The following PCYT2 variants were observed in gnomAD, a reference collection of about 807,000 sequenced individuals.
The protein encoded by PCYT2 is ethanolamine-phosphate cytidylyltransferase.
Under a neutral mutation model 50.0 loss-of-function variants are expected in PCYT2, and 33 were observed. That is an observed-to-expected ratio of 0.66 (90% confidence interval 0.50 to 0.88). PCYT2 has a LOEUF of 0.88. Among genes scored for constraint, PCYT2 ranks in the 40% least tolerant of loss-of-function variants. The pLI, the probability that PCYT2 is intolerant of heterozygous loss-of-function variation, is 0.00. For synonymous variants in PCYT2, 240 were observed against 203.7 expected, an observed-to-expected ratio of 1.18 and a Z score of -1.52; for missense variants, 430 against 519.7, an observed-to-expected ratio of 0.83 and a Z score of 1.68.
In PCYT2 at chr17:81,902,234, C is replaced by G; in HGVS notation, c.*2599G>C. Reference sequence around the variant, plus strand: ...TATAAGGCGGCCCAGGCGGTGGCTGCTCCGAGCCCGGACGCCGCCGCCCAC... The same window carrying G: ...TATAAGGCGGCCCAGGCGGTGGCTGGTCCGAGCCCGGACGCCGCCGCCCAC... On this transcript the variant is annotated 3_prime_UTR_variant, in exon 13 of 13. Transcript: ENST00000538936. 1 of 1,225,184 alleles carries G rather than the reference C, an allele frequency of 8.2e-7. No individual in the cohort carries two copies. Among genetic ancestry groups the G allele is most frequent in the Non-Finnish European group, 1.0e-6 (1 of 983,862 alleles). 75.9% of individuals were successfully genotyped at this position (1,225,184 alleles called of 1,614,324 possible). A position where few individuals can be genotyped will look rare whatever the true frequency, so the allele number is the denominator to read the frequency against.
chr17:81,907,187 G>C, intron 6 of PCYT2: 1 of 1,524,116 alleles, frequency 6.6e-7, no homozygotes, highest in East Asian at 2.4e-5. Flanking sequence ...GGTACCCTGA[G>C]ACCACTGTCT....
chr17:81,907,355 C>T (rs894877902), intron 6 of PCYT2, 199 bp downstream of exon 6: 21 of 1,296,184 alleles, frequency 1.6e-5, no homozygotes, highest in Non-Finnish European at 2.1e-5. Flanking sequence ...ACCGGCCAGC[C>T]GGTGCCACCA....
At chr17:81,907,374 C>T (rs1454205726) in intron 6 of PCYT2, 180 bp downstream of exon 6, 8 of 1,195,930 alleles carry the variant, frequency 6.7e-6, no homozygotes, top group African/African-American at 4.5e-5. Flanking sequence ...CACCCGCCTG[C>T]CCTCCCTCCC....
Position 81,906,967 on chromosome 17 carries a change from A to G in PCYT2, c.538-69T>C, listed in dbSNP as rs2040307305. ...AGGTGCTGCCCTCACCAGGTCACCAAACCCTCAGCTGTCACCTGCCAGCAA... is the reference window on the plus strand; with the variant it reads ...AGGTGCTGCCCTCACCAGGTCACCAGACCCTCAGCTGTCACCTGCCAGCAA... On this transcript the variant is annotated intron_variant, in intron 6 of 12. Transcript: ENST00000538936. 3 of 1,523,272 alleles carry G rather than the reference A, an allele frequency of 2.0e-6. No individual in the cohort carries two copies. In the African/African-American group the frequency reaches 4.1e-5, roughly 21 times the overall value. The allele number at this position is 1,523,272 out of a possible 1,614,324, so 94.4% of individuals were successfully genotyped here.
At chr17:81,905,925 A>G in intron 9 of PCYT2, 175 bp downstream of exon 9, 1 of 745,512 alleles carries the variant, frequency 1.3e-6, no homozygotes. Context: ...AGACCTGACC[A>G]CCCCTCCTCA....
chr17:81,907,971 C>G (rs1179430957), intron 4 of PCYT2, 114 bp from the exon 5 acceptor site: 1 of 843,828 alleles, frequency 1.2e-6, no homozygotes, highest in African/African-American at 1.7e-5. Context: ...CACGGCTGCC[C>G]CAAAGACTGA....
chr17:81,909,204 C>T, intron 2 of PCYT2, 167 bp from the exon 3 acceptor site: 3 of 1,441,094 alleles, frequency 2.1e-6, no homozygotes, highest in Non-Finnish European at 2.7e-6. Flanking sequence ...GGGTGGCTCT[C>T]TTCCCTGCGA....
chr17:81,902,246 A>G lies in PCYT2; in HGVS notation c.*2587T>C. ...CAGGCGGTGGCTGCTCCGAGCCCGGACGCCGCCGCCCACCAGTCAGCCGGC... is the reference window on the plus strand; with the variant it reads ...CAGGCGGTGGCTGCTCCGAGCCCGGGCGCCGCCGCCCACCAGTCAGCCGGC... On this transcript the variant is annotated 3_prime_UTR_variant, in exon 13 of 13. Transcript: ENST00000538936. 1 of 1,229,160 alleles carries G rather than the reference A, an allele frequency of 8.1e-7. No homozygotes were observed. The highest frequency in any genetic ancestry group is 1.0e-6 in the Non-Finnish European group (1 of 986,436). 76.1% of individuals were successfully genotyped at this position (1,229,160 alleles called of 1,614,324 possible).
At chr17:81,905,017 G>A (rs1004708472) in intron 12 of PCYT2, 49 bp downstream of exon 12, 68 of 1,588,952 alleles carry the variant, frequency 4.3e-5, no homozygotes, top group Non-Finnish European at 5.3e-5. Context: ...GGTAAGTCTA[G>A]CGGAGAGCGC....
intron 6 of PCYT2, 78 bp from the exon 7 acceptor site, chr17:81,906,976 C>G: frequency 6.8e-7 from 1 of 1,471,572 alleles, no homozygotes; most frequent in Non-Finnish European, 9.3e-7. Context: ...AAACCCTCAG[C>G]TGTCACCTGC....
At position 81,902,282 on chromosome 17, in the gene PCYT2, C is replaced by T. The variant is rs966014494; in HGVS notation, c.*2551G>A. 2 of 1,308,140 alleles carry T rather than the reference C, an allele frequency of 1.5e-6. No individual in the cohort carries two copies. Among genetic ancestry groups the T allele is most frequent in the Admixed American group, 4.1e-5 (1 of 24,400 alleles). The allele number at this position is 1,308,140 out of a possible 1,614,324, so 81.0% of individuals were successfully genotyped here. A position where few individuals can be genotyped will look rare whatever the true frequency, so the allele number is the denominator to read the frequency against. ...CACCAGTCAGCCGGCGTCCCCATGG[C>T]CCGGTCCGCGACACTGGCGGCCGCC... On this transcript the variant is annotated 3_prime_UTR_variant, in exon 13 of 13. Transcript: ENST00000538936.
intron 1 of PCYT2, 73 bp downstream of exon 1, chr17:81,911,194 C>T: frequency 2.0e-6 from 2 of 1,018,770 alleles, no homozygotes; most frequent in Non-Finnish European, 2.3e-6. Context: ...GGTCCCCGGG[C>T]AACGGCTGGC....
rs532648283 is a variant in PCYT2 at position 81,911,258 on chromosome 17, C to T, written c.89+9G>A. On this transcript the variant is annotated intron_variant, in intron 1 of 12. Coordinates refer to ENST00000538936, the MANE Select transcript of PCYT2 (RefSeq NM_002861.5). The stretch of plus-strand genomic sequence containing the variant: ...GCGCCCCCGCGGCCCGCCCCGGCCC[C>T]GCGCTCACCAGCCATCGCACCACAC... 3.0e-4 allele frequency: 319 copies of T among 1,052,138 alleles called. 1 individual carries two copies. The African/African-American group carries it at 3.8e-3, about 12-fold the overall frequency. The allele number at this position is 1,052,138 out of a possible 1,614,324, so 65.2% of individuals were successfully genotyped here. A position where few individuals can be genotyped will look rare whatever the true frequency, so the allele number is the denominator to read the frequency against.
Position 81,904,889 on chromosome 17 carries a change from C to T in PCYT2, c.1114G>A (p.Glu372Lys). 6.2e-7 allele frequency: 1 copy of T among 1,613,096 alleles called. No homozygotes were observed. Residue 372 changes from glutamate (E) to lysine (K), a missense_variant, in exon 13 of 13, where the codon GAG (glutamate) becomes AAG (lysine). This residue lies in a region of PCYT2 where 248 missense variants were observed against 300.2 expected (regional missense o/e 0.83). Transcript: ENST00000538936. ...KKEAKELAFLEAARQQAAQPL... is the reference protein window; with the variant it reads ...KKEAKELAFLKAARQQAAQPL... The stretch of plus-strand genomic sequence containing the variant: ...TGTGCCGCCTGCTGCCTGGCAGCCT[C>T]CAGGAAGGCCAGCTCCTTGGCTTCC...
At position 81,902,948 on chromosome 17, in the gene PCYT2, C is replaced by T. The variant is rs868781548; in HGVS notation, c.*1885G>A. On this transcript the variant is annotated 3_prime_UTR_variant, in exon 13 of 13. Transcript: ENST00000538936. Reference sequence around the variant, plus strand: ...ACTGGCAGCCAGGCCACGAGGGGAACGGGACCTGGAAATCCCCAAGCCTGG... The same window carrying T: ...ACTGGCAGCCAGGCCACGAGGGGAATGGGACCTGGAAATCCCCAAGCCTGG... 2.1e-5 allele frequency: 11 copies of T among 532,056 alleles called. No individual in the cohort carries two copies. The highest frequency in any genetic ancestry group is 9.6e-4 in the Middle Eastern group (2 of 2,082). 33.0% of individuals were successfully genotyped at this position (532,056 alleles called of 1,614,324 possible).
At chr17:81,907,182 CCT>C in intron 6 of PCYT2, 1 of 1,520,890 alleles carries the variant, frequency 6.6e-7, no homozygotes, top group Non-Finnish European at 8.8e-7. Flanking sequence ...GACCTGGTAC[CCT>C]GAGACCACTG....
chr17:81,903,752 C>T lies in PCYT2; in HGVS notation c.*1081G>A, dbSNP rs2040084096. On this transcript the variant is annotated 3_prime_UTR_variant, in exon 13 of 13. Coordinates refer to ENST00000538936, the MANE Select transcript of PCYT2 (RefSeq NM_002861.5). ...CTCCTGTGCTGGGTCGTGAGGTCGA[C>T]CTCACAACAGCAGAGGACAGGCCCA... The T allele has an allele frequency of 6.6e-6, 1 of 152,228 alleles. No homozygotes were observed. The highest frequency in any genetic ancestry group is 1.5e-5 in the Non-Finnish European group (1 of 68,048). The allele number at this position is 152,228 out of a possible 1,614,324, so 9.4% of individuals were successfully genotyped here. A position where few individuals can be genotyped will look rare whatever the true frequency, so the allele number is the denominator to read the frequency against.
Position 81,905,784 on chromosome 17 carries a change from T to A in PCYT2, c.838-49A>T, listed in dbSNP as rs202120759. The A allele has an allele frequency of 7.3e-5, 115 of 1,566,352 alleles. No homozygotes were observed. In the African/African-American group the frequency reaches 1.3e-3, roughly 17 times the overall value. ...AGACTTGCTCGGTCCCTGCTACTGG[T>A]AAGCCAGGGCCACAGGGTGGTGAGA... On this transcript the variant is annotated intron_variant, in intron 9 of 12. Transcript: ENST00000538936.
At chr17:81,910,930 G>T in intron 1 of PCYT2, 1 of 988,488 alleles carries the variant, frequency 1.0e-6, no homozygotes, top group Non-Finnish European at 1.2e-6. Flanking sequence ...GAGGCCAGGG[G>T]AACCCCTGGA....
Sources: allele counts gnomAD v4.1 joint callset, GRCh38; gene constraint gnomAD v4.1.1; regional missense constraint gnomAD v4.1.1; transcripts MANE v1.5; gene names NCBI Gene and HGNC (gene_info 2026-07-23, HGNC 2026-07-21).